The following OR56A3 variants were observed in gnomAD, a reference collection of about 807,000 sequenced individuals.
OR56A3 encodes olfactory receptor 56A3.
OR56A3 carries 23 observed loss-of-function variants against 17.5 expected under a neutral mutation model. The observed-to-expected ratio is 1.32, with a 90% CI of 0.95 to 1.87. The LOEUF (loss-of-function observed/expected upper bound fraction) is 1.87, where lower values mean the gene tolerates loss of function less well. OR56A3 is among the 40% of genes most tolerant of loss of function. OR56A3 has a pLI of 0.00. For missense variants in OR56A3, 366 were observed against 380.1 expected (o/e 0.96, Z 0.31); for synonymous variants, 175 against 150.6 (o/e 1.16, Z -1.19).
the OR56A3 span, among the ~76,000 whole-genome samples, chr11:5,992,869 A>T: frequency 6.6e-6 from 1 of 152,208 alleles, no homozygotes; most frequent in Non-Finnish European, 1.5e-5. Context: ...TCTCCTTGGG[A>T]ATAAATAAGC....
rs1564799858 is a variant in OR56A3 at position 5,947,761 on chromosome 11, A to T, written c.415A>T (p.Ile139Phe). 2.5e-6 allele frequency: 4 copies of T among 1,614,208 alleles called. No individual in the cohort carries two copies. The highest frequency in any genetic ancestry group is 3.4e-6 in the Non-Finnish European group (4 of 1,180,032). Residue 139 changes from isoleucine (I) to phenylalanine (F), a missense_variant, in exon 3 of 3, where the codon ATC becomes TTC. Coordinates refer to ENST00000641160, the MANE Select transcript of OR56A3 (RefSeq NM_001003443.3). Reference sequence around the variant, plus strand: ...CTGCCACCCACTGAGATATCCATCAATCATCACTGATCACTTTGTAGTCAA... The same window carrying T: ...CTGCCACCCACTGAGATATCCATCATTCATCACTGATCACTTTGTAGTCAA... ...AICHPLRYPSIITDHFVVKAA... is the reference protein window; with the variant it reads ...AICHPLRYPSFITDHFVVKAA...
At chr11:5,981,570 T>C in the OR56A3 span, among the ~76,000 whole-genome samples, 3 of 152,206 alleles carry the variant, frequency 2.0e-5, no homozygotes, top group African/African-American at 7.2e-5. Context: ...ATCATTTTAC[T>C]GGATTCCTTA....
At chr11:5,964,527 T>C in the OR56A3 span, among the ~76,000 whole-genome samples, 1 of 152,194 alleles carries the variant, frequency 6.6e-6, no homozygotes, top group African/African-American at 2.4e-5. Flanking sequence ...CCATGGCTTC[T>C]GAGGCTGGTA....
At chr11:5,978,340 G>A in the OR56A3 span, among the ~76,000 whole-genome samples, 2 of 152,110 alleles carry the variant, frequency 1.3e-5, no homozygotes, top group African/African-American at 2.4e-5. Flanking sequence ...CTATCCATGA[G>A]CATGGAATGT....
chr11:6,001,771 A>G, the OR56A3 span: 4 of 340,416 alleles, frequency 1.2e-5, no homozygotes, highest in Non-Finnish European at 2.1e-5. Flanking sequence ...ATACAGCTCC[A>G]TTTGTCAAAG....
chr11:5,963,810 C>G, the OR56A3 span, among the ~76,000 whole-genome samples: 1 of 152,216 alleles, frequency 6.6e-6, no homozygotes, highest in East Asian at 1.9e-4. Flanking sequence ...TCTCTACTCA[C>G]TCTTGAATGC....
rs1198792147 is a variant in OR56A3 at position 5,942,537 on chromosome 11, G to GT, written c.-314+167dup. ...TGGAGCCAAGTAAAGAAAATTTGGA[G>GT]TTTTCAACTCTGAATATGGAAATTT... On this transcript the variant is annotated intron_variant, in intron 1 of 2. Coordinates refer to ENST00000641160, the MANE Select transcript of OR56A3 (RefSeq NM_001003443.3). 1.2e-4 allele frequency among the ~76,000 whole-genome samples: 19 copies of GT among 152,266 alleles called. No individual in the cohort carries two copies. The South Asian group carries it at 3.9e-3, about 32-fold the overall frequency.
At chr11:6,002,154 T>C in the OR56A3 span, 1 of 1,614,112 alleles carries the variant, frequency 6.2e-7, no homozygotes, top group South Asian at 1.1e-5. Context: ...GTGCAGGATG[T>C]TGAGCAGGAT....
At chr11:5,945,378 T>C (rs956911036) in intron 2 of OR56A3, among the ~76,000 whole-genome samples, 5 of 151,342 alleles carry the variant, frequency 3.3e-5, no homozygotes, top group Non-Finnish European at 5.9e-5. Flanking sequence ...ATCGAGACCA[T>C]CCTGGCCAAC....
At chr11:6,008,241 C>A in the OR56A3 span, among the ~76,000 whole-genome samples, 49 of 152,044 alleles carry the variant, frequency 3.2e-4, no homozygotes, top group Non-Finnish European at 5.6e-4. Flanking sequence ...GACATTAGGG[C>A]AAAAATGTAG....
chr11:5,945,913 GAATT>G (rs1847866867), intron 2 of OR56A3, among the ~76,000 whole-genome samples: 1 of 152,166 alleles, frequency 6.6e-6, no homozygotes, highest in Non-Finnish European at 1.5e-5. Context: ...TGATGAAAAG[GAATT>G]TCACACACTT....
the OR56A3 span, among the ~76,000 whole-genome samples, chr11:6,009,260 A>G: frequency 7.2e-5 from 11 of 152,222 alleles, no homozygotes; most frequent in Non-Finnish European, 1.3e-4. Flanking sequence ...TTTTTGCTCC[A>G]TTTCATACTG....
At chr11:5,985,730 A>C in the OR56A3 span, among the ~76,000 whole-genome samples, 1 of 151,952 alleles carries the variant, frequency 6.6e-6, no homozygotes, top group Non-Finnish European at 1.5e-5. Context: ...AGAGCAAAAG[A>C]AAAAATGGCA....
At chr11:5,964,227 G>A in the OR56A3 span, among the ~76,000 whole-genome samples, 14 of 151,928 alleles carry the variant, frequency 9.2e-5, no homozygotes, top group Non-Finnish European at 1.9e-4. Context: ...ATGTCTTCAG[G>A]GGCAATTGCT....
chr11:5,948,324 AATAAG>A lies in OR56A3; in HGVS notation c.*35_*39del. 3 of 1,456,190 alleles carry A rather than the reference AATAAG, an allele frequency of 2.1e-6. No individual in the cohort carries two copies. The highest frequency in any genetic ancestry group is 9.5e-7 in the Non-Finnish European group (1 of 1,048,640). The allele number at this position is 1,456,190 out of a possible 1,614,324, so 90.2% of individuals were successfully genotyped here. On this transcript the variant is annotated 3_prime_UTR_variant, in exon 3 of 3. Transcript: ENST00000641160. ...GACCACTGGATCTCTGAATATCTAA[AATAAG>A]ATAATTTATTAATCACTTAATGAGT...
chr11:5,948,301 C>T lies in OR56A3; in HGVS notation c.*7C>T. The T allele has an allele frequency of 6.4e-7, 1 of 1,568,416 alleles. No individual in the cohort carries two copies. The highest frequency in any genetic ancestry group is 1.1e-5 in the South Asian group (1 of 89,668). Reference sequence around the variant, plus strand: ...GTTGAAGAAAGGGTGCTAACAAGGACCACTGGATCTCTGAATATCTAAAAT... The same window carrying T: ...GTTGAAGAAAGGGTGCTAACAAGGATCACTGGATCTCTGAATATCTAAAAT... On this transcript the variant is annotated 3_prime_UTR_variant, in exon 3 of 3. Transcript: ENST00000641160.
chr11:5,968,934 C>G, the OR56A3 span, among the ~76,000 whole-genome samples: 8 of 152,126 alleles, frequency 5.3e-5, no homozygotes, highest in Non-Finnish European at 1.0e-4. Flanking sequence ...GTAAGTAGTG[C>G]ATAATTTGTT....
the OR56A3 span, chr11:6,002,011 C>A: frequency 1.3e-6 from 2 of 1,489,636 alleles, no homozygotes; most frequent in Non-Finnish European, 1.8e-6. Flanking sequence ...TTTTCACTAA[C>A]AATTAACAAC....
chr11:6,004,387 G>A, the OR56A3 span, among the ~76,000 whole-genome samples: 1 of 152,138 alleles, frequency 6.6e-6, no homozygotes, highest in Admixed American at 6.6e-5. Context: ...AGATTAGGAA[G>A]TGTGTAATCA....
Sources: gnomAD v4.1 joint callset for allele counts (sites outside exome capture counted in the v4.1 genomes callset) on GRCh38, gnomAD v4.1.1 for gene constraint, MANE v1.5 for transcripts, NCBI Gene and HGNC (gene_info 2026-07-23, HGNC 2026-07-21) for gene names.